The following CDIN1 variants were observed in gnomAD, a reference collection of about 807,000 sequenced individuals.
The protein encoded by CDIN1 is CDAN1-interacting nuclease 1.
In CDIN1, 33 loss-of-function variants were observed where a neutral mutation model predicts 45.3. The observed-to-expected ratio is 0.73, with a 90% CI of 0.55 to 0.97. The LOEUF is 0.97. Among genes scored for constraint, CDIN1 ranks in the 50% least tolerant of loss-of-function variants. The probability of loss-of-function intolerance (pLI) is 0.00; values close to 1 mark genes in which losing one functional copy is unlikely to be tolerated. For missense variants in CDIN1, 303 were observed against 339.4 expected (o/e 0.89, Z 0.84); for synonymous variants, 118 against 124.4 (o/e 0.95, Z 0.34).
chr15:36,614,207 C>T, intron 1 of CDIN1: 3 of 647,752 alleles, frequency 4.6e-6, no homozygotes, highest in Non-Finnish European at 8.8e-6. Context: ...GTAGAATGCC[C>T]CATTCCCACC....
At chr15:36,677,604 A>G (rs983191282) in intron 5 of CDIN1, among the ~76,000 whole-genome samples, 3 of 152,200 alleles carry the variant, frequency 2.0e-5, no homozygotes, top group South Asian at 2.1e-4. Context: ...CAGCATCCTG[A>G]TCAATCTCTT....
intron 3 of CDIN1, 67 bp from the exon 4 acceptor site, chr15:36,654,031 G>T: frequency 8.5e-7 from 1 of 1,172,036 alleles, no homozygotes; most frequent in South Asian, 1.3e-5. Context: ...TACACACAGG[G>T]GATGCTGACA....
intron 1 of CDIN1, among the ~76,000 whole-genome samples, chr15:36,629,739 A>G (rs146884066): frequency 2.6e-5 from 4 of 152,158 alleles, no homozygotes; most frequent in Non-Finnish European, 5.9e-5. Flanking sequence ...AAAGCCAAAC[A>G]AATTATTGAA....
chr15:36,771,387 G>GTAA (rs542945351), intron 10 of CDIN1, among the ~76,000 whole-genome samples: 2 of 152,178 alleles, frequency 1.3e-5, no homozygotes, highest in East Asian at 1.9e-4. Context: ...AAAAAGTAAA[G>GTAA]TAATAATAAT....
rs763705784 is a variant in CDIN1 at position 36,734,322 on chromosome 15, C to G, written c.716+24361C>G. ...ATGTACACTTTGTTCATCCTTAGAA[C>G]AATACTAATACTATGTAGTCGGGTA... On this transcript the variant is annotated intron_variant, in intron 10 of 10. Transcript: ENST00000566621. 8 of 402,192 alleles carry G rather than the reference C, an allele frequency of 2.0e-5. No homozygotes were observed. In the Admixed American group the frequency reaches 2.5e-4, roughly 12 times the overall value. 24.9% of individuals were successfully genotyped at this position (402,192 alleles called of 1,614,324 possible).
At chr15:36,604,390 A>G (rs1016000251) in intron 1 of CDIN1, among the ~76,000 whole-genome samples, 3 of 141,696 alleles carry the variant, frequency 2.1e-5, no homozygotes, top group Non-Finnish European at 4.6e-5. Context: ...TATCAATTCC[A>G]TAATGTTCTT....
intron 1 of CDIN1, chr15:36,626,690 TG>T: frequency 2.4e-6 from 1 of 410,882 alleles, no homozygotes; most frequent in Non-Finnish European, 4.9e-6. Context: ...GCTTCCTAAG[TG>T]GGAGGAGGTG....
chr15:36,729,676 G>A lies in CDIN1; in HGVS notation c.716+19715G>A, dbSNP rs566034388. 2.0e-5 allele frequency among the ~76,000 whole-genome samples: 3 copies of A among 152,288 alleles called. No individual in the cohort carries two copies. In the South Asian group the frequency reaches 6.2e-4, roughly 32 times the overall value. Reference sequence around the variant, plus strand: ...AGAAGTTTTTAATTTGTCATGGATAGGCCTTAATGAGACTATGTGGGTTGT... The same window carrying A: ...AGAAGTTTTTAATTTGTCATGGATAAGCCTTAATGAGACTATGTGGGTTGT... On this transcript the variant is annotated intron_variant, in intron 10 of 10. Transcript: ENST00000566621.
At chr15:36,646,968 T>G (rs952058484) in intron 3 of CDIN1, among the ~76,000 whole-genome samples, 1 of 151,826 alleles carries the variant, frequency 6.6e-6, no homozygotes, top group East Asian at 1.9e-4. Context: ...TGTTGAAGTA[T>G]GAACATACTT....
intron 10 of CDIN1, among the ~76,000 whole-genome samples, chr15:36,776,352 T>C (rs565390075): frequency 6.6e-6 from 1 of 152,314 alleles, no homozygotes; most frequent in South Asian, 2.1e-4. Context: ...TCACCACCAA[T>C]GAACACCTGA....
intron 8 of CDIN1, chr15:36,707,327 TGAGA>T (rs2042903912): frequency 6.6e-6 from 1 of 151,796 alleles, no homozygotes; most frequent in East Asian, 1.9e-4. Context: ...TGTGTGTATG[TGAGA>T]GAGAGAAAGA....
intron 5 of CDIN1, among the ~76,000 whole-genome samples, chr15:36,688,067 A>G (rs1340242306): frequency 6.6e-6 from 1 of 152,122 alleles, no homozygotes; most frequent in East Asian, 1.9e-4. Context: ...TAAAAAATTG[A>G]AAATGAATTT....
At chr15:36,589,741 T>G (rs1007173746) in intron 1 of CDIN1, among the ~76,000 whole-genome samples, 45 of 152,286 alleles carry the variant, frequency 3.0e-4, no homozygotes, top group Middle Eastern at 3.4e-3. Context: ...CCTGACCTCG[T>G]GATCTGCCCG....
chr15:36,613,352 A>T, intron 1 of CDIN1: 1 of 758,490 alleles, frequency 1.3e-6, no homozygotes, highest in Non-Finnish European at 2.2e-6. Context: ...ACGTAAAGTT[A>T]AAAAGATGTA....
intron 10 of CDIN1, among the ~76,000 whole-genome samples, chr15:36,779,894 C>T (rs2054307298): frequency 6.6e-6 from 1 of 152,216 alleles, no homozygotes; most frequent in African/African-American, 2.4e-5. Context: ...TCCTATGAAA[C>T]AGACTGCTTT....
intron 1 of CDIN1, among the ~76,000 whole-genome samples, chr15:36,594,039 T>A (rs7176440): frequency 0.66 from 100,015 of 152,076 alleles, 33,078 homozygotes; most frequent in Admixed American, 0.72. Flanking sequence ...GCCTTCAAAG[T>A]TTTCTTTTAA....
At chr15:36,692,033 G>GT in intron 6 of CDIN1, 93 bp from the exon 7 acceptor site, 3 of 1,032,388 alleles carry the variant, frequency 2.9e-6, no homozygotes, top group Non-Finnish European at 2.6e-6. Context: ...CGGGGGTGGG[G>GT]GAAGAAAAGT....
chr15:36,663,481 A>C (rs1008047395), intron 5 of CDIN1, among the ~76,000 whole-genome samples: 32 of 152,156 alleles, frequency 2.1e-4, no homozygotes, highest in African/African-American at 6.8e-4. Context: ...TAATTGAATC[A>C]TGGGGGGCGG....
At chr15:36,634,795 C>A (rs142097050) in intron 1 of CDIN1, among the ~76,000 whole-genome samples, 1 of 152,228 alleles carries the variant, frequency 6.6e-6, no homozygotes, top group Non-Finnish European at 1.5e-5. Flanking sequence ...TTCCTAAAGT[C>A]CAGTTAATGA....
Sources: gnomAD v4.1 joint callset for allele counts (sites outside exome capture counted in the v4.1 genomes callset) on GRCh38, gnomAD v4.1.1 for gene constraint, MANE v1.5 for transcripts, NCBI Gene and HGNC (gene_info 2026-07-23, HGNC 2026-07-21) for gene names.